Variants in PI16 observed in about 807,000 individuals in gnomAD.
PI16 encodes PSP94-binding protein.
PI16 carries 35 observed loss-of-function variants against 38.0 expected under a neutral mutation model. That is an observed-to-expected ratio of 0.92 (90% CI 0.70 to 1.22). The LOEUF is 1.22. PI16 is among the 50% of genes most tolerant of loss of function. PI16 has a pLI of 0.00. For synonymous variants in PI16, 275 were observed against 252.9 expected (o/e 1.09, Z -0.83); for missense variants, 572 against 593.8 (o/e 0.96, Z 0.38).
chr6:36,963,842 G>T lies in PI16; in HGVS notation c.1290G>T (p.Lys430Asn). ...CCACAGGTGCAGAGGGCCCTGACAA[G>T]CCTAGCGTCGTGTCAGGGCTGAACT... is the stretch of plus-strand genomic sequence containing the variant. The part of the protein sequence containing the change: ...SSLPGAEGPD[K>N]PSVVSGLNSG... The change falls in exon 6 of 7, where the codon AAG (lysine) becomes AAT (asparagine). Residue 430 changes from lysine (K) to asparagine (N), a missense_variant. Physicochemically the swap from Lys to Asn is moderately conservative, Grantham distance 94. Coordinates refer to ENST00000373674, the MANE Select transcript of PI16 (RefSeq NM_153370.3). 1 of 1,609,904 alleles carries T rather than the reference G, an allele frequency of 6.2e-7. No individual in the cohort carries two copies. Among genetic ancestry groups the T allele is most frequent in the African/African-American group, 1.3e-5 (1 of 74,926 alleles).
intron 2 of PI16, 47 bp from the exon 3 acceptor site, chr6:36,961,404 C>A: frequency 6.5e-7 from 1 of 1,541,508 alleles, no homozygotes; most frequent in African/African-American, 1.4e-5. Context: ...AGGAAGGCAC[C>A]ATGCCACCTC....
In PI16 at chr6:36,964,285, A is replaced by G. The variant is rs146327597; in HGVS notation, c.*19-101A>G. The G allele has an allele frequency of 3.1e-3, 640 of 207,118 alleles. 3 individuals are homozygous for G. Among genetic ancestry groups the G allele is most frequent in the Non-Finnish European group, 4.7e-3 (491 of 103,728 alleles). The allele number at this position is 207,118 out of a possible 1,614,324, so 12.8% of individuals were successfully genotyped here. On this transcript the variant is annotated intron_variant, in intron 6 of 6. Transcript: ENST00000373674. ...GCTTCTCTCCCAGACAGAGGATCTC[A>G]GGCTTCCCAGGAACCCCCGGGCCCC...
At chr6:36,961,772 GC>G in intron 3 of PI16, 113 bp from the exon 4 acceptor site, 1 of 1,017,946 alleles carries the variant, frequency 9.8e-7, no homozygotes, top group Non-Finnish European at 1.5e-6. Context: ...CAAGTCAGTG[GC>G]TGGCAGTCAG....
chr6:36,956,172 G>T (rs1583230894), intron 1 of PI16, among the ~76,000 whole-genome samples: 1 of 152,194 alleles, frequency 6.6e-6, no homozygotes, highest in African/African-American at 2.4e-5. Flanking sequence ...AGGATGACAC[G>T]TAAGAAAGAT....
rs1763323549 is a variant in PI16 at position 36,960,315 on chromosome 6, T to C, written c.393+949T>C. 2.3e-5 allele frequency among the ~76,000 whole-genome samples: 3 copies of C among 130,872 alleles called. No individual in the cohort carries two copies. In the Admixed American group the frequency reaches 2.4e-4, roughly 11 times the overall value. The allele number at this position is 130,872 out of a possible 152,430, so 85.9% of individuals were successfully genotyped here. ...TCACTGCATTTTGAAAGTTTGGGCT[T>C]GCAGATAAGATGTGTGTGTGTGTGT... On this transcript the variant is annotated intron_variant, in intron 2 of 6. Coordinates refer to ENST00000373674, the MANE Select transcript of PI16 (RefSeq NM_153370.3).
chr6:36,953,373 CT>C (rs371896795), upstream of PI16, among the ~76,000 whole-genome samples: 497 of 150,782 alleles, frequency 3.3e-3, no homozygotes, highest in African/African-American at 0.012. Context: ...GAATTTTATT[CT>C]TTTTATTCTT....
At chr6:36,954,527 T>G, upstream of PI16, 1 of 542,896 alleles carries the variant, frequency 1.8e-6, no homozygotes. Flanking sequence ...GCTTTTGGCC[T>G]GAGCCCCCGT....
upstream of PI16, chr6:36,954,662 C>T (rs925039823): frequency 3.3e-6 from 5 of 1,496,254 alleles, no homozygotes; most frequent in African/African-American, 7.1e-5. Flanking sequence ...AAACACGGCC[C>T]CCACTGCCCC....
upstream of PI16, among the ~76,000 whole-genome samples, chr6:36,951,175 C>G (rs1265495173): frequency 6.6e-6 from 1 of 152,134 alleles, no homozygotes. Flanking sequence ...AATGTCTTTT[C>G]GACAATGAAT....
chr6:36,961,839 G>A lies in PI16; in HGVS notation c.504-47G>A, dbSNP rs188377000. Reference sequence around the variant, plus strand: ...GTGTATAGGAGTTGGGGAGAGGGTTGGGAGGGGTCGACCCCCTCCCCGCAG... The same window carrying A: ...GTGTATAGGAGTTGGGGAGAGGGTTAGGAGGGGTCGACCCCCTCCCCGCAG... On this transcript the variant is annotated intron_variant, in intron 3 of 6. Transcript: ENST00000373674. 115 of 1,466,580 alleles carry A rather than the reference G, an allele frequency of 7.8e-5. 1 individual carries two copies. The East Asian group carries it at 2.5e-3, about 32-fold the overall frequency. The allele number at this position is 1,466,580 out of a possible 1,614,324, so 90.8% of individuals were successfully genotyped here. A position where few individuals can be genotyped will look rare whatever the true frequency, so the allele number is the denominator to read the frequency against.
chr6:36,949,113 TTCTC>T (rs912823422), intron 1 of PI16, among the ~76,000 whole-genome samples: 56 of 147,564 alleles, frequency 3.8e-4, no homozygotes, highest in Middle Eastern at 3.8e-3. Flanking sequence ...CTCTCCTCTC[TTCTC>T]TCTCTCTCTC....
chr6:36,961,928 G>A lies in PI16; in HGVS notation c.546G>A (p.Pro182=), dbSNP rs776547275. 6 of 1,614,042 alleles carry A rather than the reference G, an allele frequency of 3.7e-6. No individual in the cohort carries two copies. Among genetic ancestry groups the A allele is most frequent in the African/African-American group, 2.7e-5 (2 of 74,906 alleles). The part of the protein sequence containing the change: ...KGKRPYQEGT[P]CSQCPSGYHC... ...AACGGCCCTACCAGGAGGGGACTCC[G>A]TGCTCCCAATGTCCCTCTGGCTACC... Residue 182 remains proline (P), a synonymous_variant, in exon 4 of 7, where the codon CCG becomes CCA. Coordinates refer to ENST00000373674, the MANE Select transcript of PI16 (RefSeq NM_153370.3).
chr6:36,949,029 C>A (rs920093526), intron 1 of PI16, among the ~76,000 whole-genome samples: 7 of 151,910 alleles, frequency 4.6e-5, no homozygotes, highest in Non-Finnish European at 1.0e-4. Context: ...AATCTCTTGA[C>A]CTCGTGATCC....
chr6:36,954,861 GT>G lies in PI16; in HGVS notation c.104del (p.Leu35Ter). On this transcript the variant is annotated frameshift_variant, in exon 1 of 7. Coordinates refer to ENST00000373674, the MANE Select transcript of PI16 (RefSeq NM_153370.3). LOFTEE classifies it high-confidence loss of function. ...GGAGCCCTCACAGATGAGGAGAAAC[GT>G]TTGATGGTGGAGCTGCACAACCTCT... ...PVGALTDEEKRLMVELHNLYR... is the reference protein window; with the variant it reads ...PVGALTDEEKXLMVELHNLYR... 1 of 1,614,036 alleles carries G rather than the reference GT, an allele frequency of 6.2e-7. No individual in the cohort carries two copies. Among genetic ancestry groups the G allele is most frequent in the Non-Finnish European group, 8.5e-7 (1 of 1,180,020 alleles).
chr6:36,959,166 G>A lies in PI16; in HGVS notation c.193G>A (p.Ala65Thr), dbSNP rs776730846. The A allele has an allele frequency of 3.7e-6, 6 of 1,609,678 alleles. No homozygotes were observed. The South Asian group carries it at 5.5e-5, about 15-fold the overall frequency. Reference sequence around the variant, plus strand: ...GCAGAGATGGGACGAGGAGCTGGCCGCCTTCGCCAAGGCCTACGCACGGCA... The same window carrying A: ...GCAGAGATGGGACGAGGAGCTGGCCACCTTCGCCAAGGCCTACGCACGGCA... The part of the protein sequence containing the change: ...LHMRWDEELA[A>T]FAKAYARQCV... Residue 65 changes from alanine to threonine, a missense_variant, in exon 2 of 7, where the codon GCC (alanine) becomes ACC (threonine). Physicochemically the swap from Ala to Thr is moderately conservative, Grantham distance 58. Coordinates refer to ENST00000373674, the MANE Select transcript of PI16 (RefSeq NM_153370.3).
rs1763404841 is a variant in PI16, at chr6:36,962,752, C to G, written c.593-183C>G. On this transcript the variant is annotated intron_variant, in intron 4 of 6. Transcript: ENST00000373674. The surrounding 1 kb of genome is among the most constrained non-coding windows in gnomAD (Gnocchi z 4.1). ...TCTCCCAAAGTGCTGGGATTACAGA[C>G]GTGAGCCACCGCGCCCGGCTTGTAA... is the stretch of plus-strand genomic sequence containing the variant. Among the ~76,000 whole-genome samples, 1 of 152,184 alleles carries G rather than the reference C, an allele frequency of 6.6e-6. No homozygotes were observed. The highest frequency in any genetic ancestry group is 1.5e-5 in the Non-Finnish European group (1 of 68,044).
Position 36,963,954 on chromosome 6 carries a change from C to T in PI16, c.*10C>T, listed in dbSNP as rs199544950. 8.8e-5 allele frequency: 141 copies of T among 1,607,174 alleles called. 1 individual carries two copies. In the East Asian group the frequency reaches 3.1e-3, roughly 35 times the overall value. ...GGCTGGAATCTTCTGAAGGGGATAC[C>T]ACTCAAAGGCAAGGCCTGGTGAGGG... On this transcript the variant is annotated 3_prime_UTR_variant, in exon 6 of 7. Coordinates refer to ENST00000373674, the MANE Select transcript of PI16 (RefSeq NM_153370.3).
chr6:36,959,784 C>T (rs1030212295), intron 2 of PI16, among the ~76,000 whole-genome samples: 3 of 151,712 alleles, frequency 2.0e-5, no homozygotes, highest in Non-Finnish European at 4.4e-5. Flanking sequence ...GGAAGGATCA[C>T]TTCAGCCCAG....
rs1456010265 is a variant in PI16, at chr6:36,963,930, G to T, written c.1378G>T (p.Ala460Ser). 1.9e-6 allele frequency: 3 copies of T among 1,613,284 alleles called. No homozygotes were observed. The highest frequency in any genetic ancestry group is 2.5e-6 in the Non-Finnish European group (3 of 1,179,708). The change falls in exon 6 of 7, where the codon GCT becomes TCT. Residue 460 changes from alanine (A) to serine (S), a missense_variant. Physicochemically the swap from Ala to Ser is moderately conservative, Grantham distance 99 (BLOSUM62 1). Transcript: ENST00000373674. Reference sequence around the variant, plus strand: ...ACTGCTCCTGCCTCCTCTGGTGTTGGCTGGAATCTTCTGAAGGGGATACCA... The same window carrying T: ...ACTGCTCCTGCCTCCTCTGGTGTTGTCTGGAATCTTCTGAAGGGGATACCA... The part of the protein sequence containing the change: ...GLLLLPPLVL[A>S]GIF
Sources: allele counts gnomAD v4.1 joint callset (sites outside exome capture counted in the v4.1 genomes callset), GRCh38; gene constraint gnomAD v4.1.1; non-coding constraint Gnocchi (gnomAD v3.1); transcripts MANE v1.5; gene names NCBI Gene and HGNC (gene_info 2026-07-23, HGNC 2026-07-21).